Variants in FRMPD4 observed in about 807,000 individuals in gnomAD.
FRMPD4 encodes the protein FERM and PDZ domain containing 4.
In FRMPD4, 22 loss-of-function variants were observed where a neutral mutation model predicts 94.1. The ratio of observed to expected loss-of-function variants is 0.23; its 90% CI spans 0.17 to 0.33. The LOEUF is 0.33. FRMPD4 is among the 10% of genes least tolerant of loss of function. The probability of loss-of-function intolerance (pLI) is 1.00; values close to 1 mark genes in which losing one functional copy is unlikely to be tolerated. For synonymous variants in FRMPD4, 631 were observed against 548.6 expected, an observed-to-expected ratio of 1.15 and a Z score of -2.10; for missense variants, 1,111 against 1,339.9, an observed-to-expected ratio of 0.83 and a Z score of 2.67.
intron 2 of FRMPD4, among the ~76,000 whole-genome samples, chrX:12,500,995 C>A (rs756596790): frequency 8.9e-6 from 1 of 112,097 alleles, no homozygotes; most frequent in South Asian, 3.8e-4. Flanking sequence ...TGTTTCTTTT[C>A]CCCTGGTTGG....
In FRMPD4 at chrX:12,569,816, A is replaced by C. The variant is rs182191457; in HGVS notation, c.159-39905A>C. ...GGAGGTAAATGTCTTCAGTTCGGGA[A>C]CTAGCATTTTAGTGTATCTACAGCA... On this transcript the variant is annotated intron_variant, in intron 2 of 16. Transcript: ENST00000675598. Among the ~76,000 whole-genome samples the C allele has an allele frequency of 2.6e-3, 289 of 112,027 alleles. 3 individuals are homozygous for C. Among genetic ancestry groups the C allele is most frequent in the South Asian group, 0.015 (40 of 2,661 alleles).
At chrX:12,664,944 G>A (rs1023015978) in intron 4 of FRMPD4, among the ~76,000 whole-genome samples, 4 of 111,506 alleles carry the variant, frequency 3.6e-5, no homozygotes, top group African/African-American at 1.3e-4. Flanking sequence ...GGGTGTATGT[G>A]TCCAGGAATT....
intron 3 of FRMPD4, among the ~76,000 whole-genome samples, chrX:11,980,248 C>G (rs1265854568): frequency 8.9e-6 from 1 of 112,033 alleles, no homozygotes; most frequent in Non-Finnish European, 1.9e-5. Context: ...TTGCATAAAA[C>G]TGTTCATGAA....
At chrX:12,106,468 A>T (rs2055298910) in intron 3 of FRMPD4, among the ~76,000 whole-genome samples, 2 of 111,162 alleles carry the variant, frequency 1.8e-5, no homozygotes, top group South Asian at 7.8e-4. Context: ...TACAGCTCCC[A>T]GCATGAGCAA....
intron 14 of FRMPD4, among the ~76,000 whole-genome samples, chrX:12,714,376 C>T (rs954652240): frequency 8.1e-5 from 9 of 111,406 alleles, no homozygotes; most frequent in African/African-American, 2.9e-4. Context: ...CTTCACATGG[C>T]CTTCCCCTCT....
intron 2 of FRMPD4, among the ~76,000 whole-genome samples, chrX:11,869,561 C>T (rs974164201): frequency 9.0e-6 from 1 of 111,136 alleles, no homozygotes; most frequent in African/African-American, 3.3e-5. Flanking sequence ...ATATTGTACC[C>T]CTTAAGTTTG....
chrX:11,841,244 T>A (rs922143183), intron 1 of FRMPD4, among the ~76,000 whole-genome samples: 1 of 109,990 alleles, frequency 9.1e-6, no homozygotes, highest in African/African-American at 3.3e-5. Flanking sequence ...TGATTTATAG[T>A]CCTTTGGGTA....
intron 1 of FRMPD4, among the ~76,000 whole-genome samples, chrX:12,399,718 T>C (rs12852194): frequency 0.24 from 26,592 of 110,860 alleles, 2,652 homozygotes; most frequent in Non-Finnish European, 0.31. Flanking sequence ...CATCTTCACA[T>C]TGAGTGGCTG....
intron 1 of FRMPD4, among the ~76,000 whole-genome samples, chrX:12,481,942 CAAAAAAAAAAAAAAAA>C (rs56366427): frequency 6.0e-4 from 7 of 11,580 alleles, no homozygotes; most frequent in Admixed American, 1.8e-3. Flanking sequence ...GACTACATCT[CAAAAAAAAAAAAAAAA>C]AAAAAAAAAA....
chrX:12,107,750 A>G (rs1264239826), intron 3 of FRMPD4, among the ~76,000 whole-genome samples: 1 of 112,168 alleles, frequency 8.9e-6, no homozygotes. Flanking sequence ...GCTGAAAACC[A>G]TGGCACATGA....
intron 2 of FRMPD4, among the ~76,000 whole-genome samples, chrX:12,499,199 A>G (rs1386022907): frequency 1.8e-5 from 2 of 111,612 alleles, no homozygotes; most frequent in African/African-American, 3.3e-5. Flanking sequence ...CAAGACAGGA[A>G]TGCTACTTTC....
intron 1 of FRMPD4, among the ~76,000 whole-genome samples, chrX:12,242,656 C>A (rs1202111406): frequency 2.7e-5 from 3 of 112,485 alleles, no homozygotes; most frequent in Non-Finnish European, 5.6e-5. Flanking sequence ...ACACTACTGC[C>A]AATAAACATT....
chrX:12,077,296 A>G (rs1418624508), intron 3 of FRMPD4, among the ~76,000 whole-genome samples: 1 of 111,894 alleles, frequency 8.9e-6, no homozygotes, highest in Non-Finnish European at 1.9e-5. Context: ...TCTTCCCAGT[A>G]GGTAGCAATG....
intron 1 of FRMPD4, among the ~76,000 whole-genome samples, chrX:12,169,762 G>C (rs1412757169): frequency 8.9e-6 from 1 of 112,590 alleles, no homozygotes; most frequent in Non-Finnish European, 1.9e-5. Flanking sequence ...TAACACTTTT[G>C]TGCATACAAA....
intron 1 of FRMPD4, among the ~76,000 whole-genome samples, chrX:12,469,884 T>A (rs2057490548): frequency 8.9e-6 from 1 of 112,632 alleles, no homozygotes; most frequent in East Asian, 2.8e-4. Context: ...ATTGAGAGAC[T>A]ATTCTCTCAG....
At chrX:11,986,863 C>G (rs2054432412) in intron 3 of FRMPD4, among the ~76,000 whole-genome samples, 1 of 109,251 alleles carries the variant, frequency 9.2e-6, no homozygotes, top group African/African-American at 3.3e-5. Flanking sequence ...ATCAAGAAAC[C>G]TAAAACCCAA....
chrX:12,577,903 G>A (rs911112247), intron 2 of FRMPD4, among the ~76,000 whole-genome samples: 1 of 112,523 alleles, frequency 8.9e-6, no homozygotes. Flanking sequence ...CAACGATTGG[G>A]TGGCTTAAAA....
intron 3 of FRMPD4, among the ~76,000 whole-genome samples, chrX:11,881,977 C>T (rs1045673120): frequency 9.0e-6 from 1 of 111,219 alleles, no homozygotes; most frequent in African/African-American, 3.3e-5. Context: ...CAAAAGTATC[C>T]GGGTGTTGCT....
Position 12,348,854 on chromosome X carries a change from C to CA in FRMPD4, c.42-149818dup, listed in dbSNP as rs763577237. ...AAGTAATGGGAAACAGCAACAACAA[C>CA]AAAAAAAATGCAAAGCAAAAACTCC... On this transcript the variant is annotated intron_variant, in intron 1 of 16. Coordinates refer to ENST00000675598, the MANE Select transcript of FRMPD4 (RefSeq NM_001368397.1). Among the ~76,000 whole-genome samples, 358 of 111,180 alleles carry CA rather than the reference C, an allele frequency of 3.2e-3. 3 individuals are homozygous for CA. Among genetic ancestry groups the CA allele is most frequent in the African/African-American group, 0.011 (332 of 30,635 alleles).
Sources: gnomAD v4.1 joint callset for allele counts (sites outside exome capture counted in the v4.1 genomes callset) on GRCh38, gnomAD v4.1.1 for gene constraint, MANE v1.5 for transcripts, NCBI Gene and HGNC (gene_info 2026-07-23, HGNC 2026-07-21) for gene names.